Variants in KCNIP1 observed in about 807,000 individuals in gnomAD.
KCNIP1 encodes the protein potassium voltage-gated channel interacting protein 1.
KCNIP1 carries 18 observed loss-of-function variants against 33.0 expected under a neutral mutation model. The ratio of observed to expected loss-of-function variants is 0.55; its 90% CI spans 0.38 to 0.81. KCNIP1 has a LOEUF of 0.81. Among genes scored for constraint, KCNIP1 ranks in the 30% least tolerant of loss-of-function variants. The probability of loss-of-function intolerance (pLI) is 0.00; values close to 1 mark genes in which losing one functional copy is unlikely to be tolerated. For missense variants in KCNIP1, 238 were observed against 271.6 expected (o/e 0.88, Z 0.87); for synonymous variants, 93 against 98.3 (o/e 0.95, Z 0.32).
intron 1 of KCNIP1, among the ~76,000 whole-genome samples, chr5:170,515,184 C>T (rs185947541): frequency 3.9e-5 from 6 of 152,246 alleles, no homozygotes; most frequent in South Asian, 4.2e-4. Flanking sequence ...TTCCTAGAAG[C>T]GCCTTATGAT....
intron 1 of KCNIP1, among the ~76,000 whole-genome samples, chr5:170,700,446 G>C (rs561993016): frequency 6.6e-6 from 1 of 152,202 alleles, no homozygotes; most frequent in Non-Finnish European, 1.5e-5. Flanking sequence ...GCATCTGCCC[G>C]TGGTCCCTGC....
At chr5:170,389,997 GGACCA>G (rs1764651673) in intron 1 of KCNIP1, among the ~76,000 whole-genome samples, 9 of 152,158 alleles carry the variant, frequency 5.9e-5, no homozygotes, top group African/African-American at 2.2e-4. Context: ...GACTTTTTAA[GGACCA>G]ACTGAGCTGA....
chr5:170,551,759 ATG>A lies in KCNIP1; in HGVS notation c.61+47130_61+47131del, dbSNP rs1218756938. On this transcript the variant is annotated intron_variant, in intron 1 of 7. Transcript: ENST00000328939. ...TGAGTGTGTATATGCGTGTGTGTGT[ATG>A]TGTAGGTGTATGAATGTGAGTGTGT... Among the ~76,000 whole-genome samples the A allele has an allele frequency of 2.6e-4, 39 of 151,126 alleles. No individual in the cohort carries two copies. In the East Asian group the frequency reaches 6.0e-3, roughly 23 times the overall value.
rs148498962 is a variant in KCNIP1 at position 170,423,979 on chromosome 5, T to C, written c.88+70015T>C. ...GCTGATTAAATCAAATTCCCCATAG[T>C]GTAGAACCACTTAAATAAATGTTTC... On this transcript the variant is annotated intron_variant, in intron 1 of 7. Transcript: ENST00000377360. Among the ~76,000 whole-genome samples the C allele has an allele frequency of 3.2e-3, 493 of 152,372 alleles. 3 individuals are homozygous for C. Among genetic ancestry groups the C allele is most frequent in the African/African-American group, 0.011 (473 of 41,586 alleles).
At chr5:170,425,244 C>T (rs1350660983) in intron 1 of KCNIP1, among the ~76,000 whole-genome samples, 2 of 152,230 alleles carry the variant, frequency 1.3e-5, no homozygotes, top group East Asian at 3.8e-4. Flanking sequence ...AGAATGCTGA[C>T]TGTAATGTAG....
intron 1 of KCNIP1, among the ~76,000 whole-genome samples, chr5:170,716,346 T>C (rs1763644145): frequency 6.6e-6 from 1 of 152,228 alleles, no homozygotes; most frequent in Admixed American, 6.5e-5. Flanking sequence ...TACATGTGTG[T>C]ATACTGGGTT....
intron 1 of KCNIP1, among the ~76,000 whole-genome samples, chr5:170,406,469 C>A (rs947988955): frequency 4.6e-5 from 7 of 152,146 alleles, no homozygotes; most frequent in Non-Finnish European, 7.4e-5. Flanking sequence ...GACATAATAA[C>A]CCATACAGGG....
At chr5:170,426,691 C>T (rs1755622955) in intron 1 of KCNIP1, among the ~76,000 whole-genome samples, 1 of 152,252 alleles carries the variant, frequency 6.6e-6, no homozygotes, top group Non-Finnish European at 1.5e-5. Context: ...TTGCTGTCAG[C>T]ATTGTCTGAT....
chr5:170,700,257 A>G (rs1046884156), intron 1 of KCNIP1, among the ~76,000 whole-genome samples: 3 of 152,084 alleles, frequency 2.0e-5, no homozygotes, highest in African/African-American at 7.2e-5. Context: ...CACCACAGAG[A>G]AGCCTTGCGG....
chr5:170,619,790 G>C (rs1182914604), intron 1 of KCNIP1, among the ~76,000 whole-genome samples: 4 of 152,108 alleles, frequency 2.6e-5, no homozygotes, highest in African/African-American at 9.7e-5. Context: ...GGAGAATATT[G>C]AGTCATGGTG....
Position 170,364,888 on chromosome 5 carries a change from C to A in KCNIP1, c.88+10924C>A, listed in dbSNP as rs146232596. On this transcript the variant is annotated intron_variant, in intron 1 of 7. Coordinates refer to the KCNIP1 transcript ENST00000377360. Reference sequence around the variant, plus strand: ...CATATCCGTCTCTTTTCATAGTTACCTTTCTGTGTATGGTGAGAACTACTC... The same window carrying A: ...CATATCCGTCTCTTTTCATAGTTACATTTCTGTGTATGGTGAGAACTACTC... 6.6e-5 allele frequency among the ~76,000 whole-genome samples: 10 copies of A among 152,248 alleles called. No homozygotes were observed. In the East Asian group the frequency reaches 1.9e-3, roughly 29 times the overall value.
chr5:170,375,669 C>T (rs112361232), intron 1 of KCNIP1: 1 of 152,504 alleles, frequency 6.6e-6, no homozygotes, highest in African/African-American at 2.4e-5. Flanking sequence ...ATGCCAGGTA[C>T]TGGAACACAC....
At chr5:170,575,341 G>A (rs55896336) in intron 1 of KCNIP1, among the ~76,000 whole-genome samples, 4 of 152,124 alleles carry the variant, frequency 2.6e-5, no homozygotes, top group Admixed American at 6.5e-5. Flanking sequence ...CCCTTTAATA[G>A]GGCATATGTT....
chr5:170,623,709 C>T (rs978896565), intron 1 of KCNIP1, among the ~76,000 whole-genome samples: 1 of 152,172 alleles, frequency 6.6e-6, no homozygotes, highest in Admixed American at 6.5e-5. Flanking sequence ...TCCAAATGGG[C>T]TTATCAAGGC....
At position 170,536,790 on chromosome 5, in the gene KCNIP1, G is replaced by A. The variant is rs139926054; in HGVS notation, c.61+32157G>A. 4.9e-3 allele frequency among the ~76,000 whole-genome samples: 744 copies of A among 152,270 alleles called. 2 individuals are homozygous for A. Among genetic ancestry groups the A allele is most frequent in the African/African-American group, 0.017 (713 of 41,546 alleles). ...AACAGCCTTATGTATTCTCTGTCTA[G>A]AGCAGAGGACAGAGTCAAAGAAAAC... On this transcript the variant is annotated intron_variant, in intron 1 of 7. Coordinates refer to ENST00000328939, the MANE Select transcript of KCNIP1 (RefSeq NM_014592.4).
chr5:170,664,654 T>G (rs1381806774), intron 1 of KCNIP1, among the ~76,000 whole-genome samples: 1 of 152,188 alleles, frequency 6.6e-6, no homozygotes, highest in Admixed American at 6.5e-5. Context: ...GATCTACTAT[T>G]GGCTAGATTT....
chr5:170,405,494 G>A (rs1755012192), intron 1 of KCNIP1, among the ~76,000 whole-genome samples: 1 of 152,182 alleles, frequency 6.6e-6, no homozygotes, highest in African/African-American at 2.4e-5. Context: ...CTGAGCCGTT[G>A]TGCCCAGCTG....
chr5:170,627,024 G>A (rs1399785900), intron 1 of KCNIP1, among the ~76,000 whole-genome samples: 2 of 152,134 alleles, frequency 1.3e-5, no homozygotes, highest in Non-Finnish European at 2.9e-5. Context: ...TGCAGCGGTA[G>A]CCCTGGCCGG....
intron 1 of KCNIP1, among the ~76,000 whole-genome samples, chr5:170,462,424 A>C (rs539066832): frequency 6.6e-5 from 10 of 152,320 alleles, no homozygotes; most frequent in Admixed American, 6.5e-4. Context: ...CAAAACCACA[A>C]TGTGATACCA....
Sources: gnomAD v4.1 joint callset for allele counts (sites outside exome capture counted in the v4.1 genomes callset) on GRCh38, gnomAD v4.1.1 for gene constraint, MANE v1.5 for transcripts, NCBI Gene and HGNC (gene_info 2026-07-23, HGNC 2026-07-21) for gene names.